The following ADAR variants were observed in gnomAD, a reference collection of about 807,000 sequenced individuals.
ADAR encodes the protein adenosine deaminase RNA specific.
In ADAR, 41 loss-of-function variants were observed where a neutral mutation model predicts 113.2. The ratio of observed to expected loss-of-function variants is 0.36; its 90% CI spans 0.28 to 0.47. ADAR has a LOEUF of 0.47. Ranked by LOEUF, ADAR falls within the 20% of genes least tolerant of loss-of-function variation. The pLI is 1.00. For synonymous variants in ADAR, 605 were observed against 572.6 expected (o/e 1.06, Z -0.81); for missense variants, 1,242 against 1,540.9 (o/e 0.81, Z 3.25).
exon 1 of ADAR, chr1:154,627,925 A>G (rs888016800): frequency 1.3e-5 from 4 of 298,416 alleles, no homozygotes; most frequent in Admixed American, 3.1e-5. Context: ...CCCTCCCCCC[A>G]CCCTCCCCCA....
At position 154,601,530 on chromosome 1, in the gene ADAR, C is replaced by A; in HGVS notation, c.1112G>T (p.Ser371Ile). 6.2e-7 allele frequency: 1 copy of A among 1,613,556 alleles called. No homozygotes were observed. The highest frequency in any genetic ancestry group is 8.5e-7 in the Non-Finnish European group (1 of 1,180,044). ...TGCAGCTGGAGCGGTTTCAGGAACA[C>A]TGTTCGTATTTCTCTTGATTTGCAT... ...ERMQIKRNTN[S>I]VPETAPAAIP... is the part of the protein sequence containing the mutation. Residue 371 changes from serine (S) to isoleucine (I), a missense_variant, in exon 2 of 15, where the codon AGT becomes ATT. Transcript: ENST00000368474. The surrounding 1 kb of genome is among the most constrained non-coding windows in gnomAD (Gnocchi z 4.7).
At chr1:154,597,750 T>C (rs1697597105) in intron 4 of ADAR, 78 bp downstream of exon 4, 2 of 1,588,308 alleles carry the variant, frequency 1.3e-6, no homozygotes, top group Non-Finnish European at 8.6e-7. Context: ...CTGCCATCCC[T>C]GAGGAGGCAA....
In ADAR at chr1:154,601,457, G is replaced by A; in HGVS notation, c.1185C>T (p.Pro395=). The A allele has an allele frequency of 1.2e-6, 2 of 1,614,176 alleles. No individual in the cohort carries two copies. The highest frequency in any genetic ancestry group is 1.7e-6 in the Non-Finnish European group (2 of 1,180,042). ...RNAEFLTCNI[P]TSNASNNMVT... is the part of the protein sequence containing the mutation. ...CCATGTTATTTGAGGCATTTGATGT[G>A]GGTATATTACAGGTGAGGAACTCTG... The change falls in exon 2 of 15, where the codon CCC becomes CCT. Residue 395 remains proline, a synonymous_variant. Coordinates refer to ENST00000368474, the MANE Select transcript of ADAR (RefSeq NM_001111.5). The surrounding 1 kb of genome is among the most constrained non-coding windows in gnomAD (Gnocchi z 4.7).
At chr1:154,616,411 C>T (rs1698638121) in intron 1 of ADAR, among the ~76,000 whole-genome samples, 1 of 152,074 alleles carries the variant, frequency 6.6e-6, no homozygotes, top group South Asian at 2.1e-4. Context: ...CCTTCTTTTC[C>T]TCCCTCTAGA....
upstream of ADAR, chr1:154,608,832 G>C (rs551061951): frequency 7.3e-5 from 11 of 150,570 alleles, no homozygotes; most frequent in African/African-American, 2.2e-4. Context: ...ATGTGGAGGG[G>C]GGGGGGAGGG....
upstream of ADAR, among the ~76,000 whole-genome samples, chr1:154,613,092 TG>T (rs982438628): frequency 4.6e-5 from 7 of 152,100 alleles, no homozygotes; most frequent in African/African-American, 1.7e-4. Context: ...ATTACAGGTG[TG>T]AGCCACTGCG....
intron 6 of ADAR, 129 bp downstream of exon 6, chr1:154,596,676 C>G: frequency 2.0e-6 from 2 of 1,007,442 alleles, no homozygotes; most frequent in Non-Finnish European, 3.0e-6. Flanking sequence ...GCCGTGGAGA[C>G]AGGGCTGGAC....
chr1:154,598,370 C>G (rs754942641), intron 3 of ADAR, 32 bp downstream of exon 3: 1 of 1,608,752 alleles, frequency 6.2e-7, no homozygotes, highest in Non-Finnish European at 8.5e-7. Context: ...TGACAGGGAA[C>G]TGATCCTCCC....
At chr1:154,604,743 A>G (rs918105336) in intron 1 of ADAR, among the ~76,000 whole-genome samples, 1 of 152,064 alleles carries the variant, frequency 6.6e-6, no homozygotes, top group Non-Finnish European at 1.5e-5. Flanking sequence ...TTATATAATC[A>G]GTCTCCAAGG....
rs540607932 is a variant in ADAR at position 154,588,746 on chromosome 1, C to T, written c.2763-73G>A. 4.9e-5 allele frequency: 78 copies of T among 1,592,880 alleles called. No homozygotes were observed. In the Middle Eastern group the frequency reaches 6.7e-4, roughly 14 times the overall value. ...AGCAGTTGTTTCTATAATCTGACCT[C>T]CAAATGAGAAAGTAAGGAAAAGTCT... On this transcript the variant is annotated intron_variant, in intron 9 of 14. Coordinates refer to ENST00000368474, the MANE Select transcript of ADAR (RefSeq NM_001111.5).
intron 1 of ADAR, among the ~76,000 whole-genome samples, chr1:154,607,689 A>C (rs1214210819): frequency 6.6e-6 from 1 of 151,838 alleles, no homozygotes; most frequent in African/African-American, 2.4e-5. Flanking sequence ...CAAATTCACA[A>C]ATTCCTAAAC....
At position 154,589,865 on chromosome 1, in the gene ADAR, T is replaced by C; in HGVS notation, c.2560A>G (p.Thr854Ala). 1.2e-6 allele frequency: 2 copies of C among 1,613,864 alleles called. No homozygotes were observed. The highest frequency in any genetic ancestry group is 1.3e-5 in the African/African-American group (1 of 74,944). The change falls in exon 8 of 15, where the codon ACT becomes GCT. Residue 854 changes from threonine to alanine, a missense_variant. Physicochemically the swap from Thr to Ala is moderately conservative, Grantham distance 58. Coordinates refer to ENST00000368474, the MANE Select transcript of ADAR (RefSeq NM_001111.5). ...IAMLSHRCFN[T>A]LTNSFQPSLL... The stretch of plus-strand genomic sequence containing the variant: ...GAGGGCTGGAAGCTGTTAGTCAGAG[T>C]GTTGAAGCACCGGTGGCTCAGCATG...
At chr1:154,585,698 A>C in intron 13 of ADAR, 55 bp downstream of exon 13, 1 of 1,462,266 alleles carries the variant, frequency 6.8e-7, no homozygotes, top group Non-Finnish European at 9.6e-7. Flanking sequence ...CTCTGTTTAC[A>C]TGACTGCTTG....
At chr1:154,590,747 T>C (rs574726810) in intron 6 of ADAR, among the ~76,000 whole-genome samples, 11 of 149,074 alleles carry the variant, frequency 7.4e-5, no homozygotes, top group African/African-American at 2.5e-4. Context: ...CTGGGCAACA[T>C]AGTAATCCCC....
intron 11 of ADAR, 56 bp from the exon 12 acceptor site, chr1:154,586,419 G>A (rs1696767232): frequency 6.3e-7 from 1 of 1,576,448 alleles, no homozygotes; most frequent in Non-Finnish European, 8.7e-7. Flanking sequence ...ACCACTCCCT[G>A]GCGTGGTTTC....
chr1:154,619,143 C>G lies in ADAR; in HGVS notation c.-871+8712G>C, dbSNP rs375253496. 2.6e-5 allele frequency among the ~76,000 whole-genome samples: 4 copies of G among 152,160 alleles called. No individual in the cohort carries two copies. In the East Asian group the frequency reaches 7.7e-4, roughly 29 times the overall value. ...AGAGGCAGATAATGTTAGTGGCCTACGCTAGAACTATGCCTCCCTTTCTGA... is the reference window on the plus strand; with the variant it reads ...AGAGGCAGATAATGTTAGTGGCCTAGGCTAGAACTATGCCTCCCTTTCTGA... On this transcript the variant is annotated intron_variant, in intron 1 of 14. Coordinates refer to the ADAR transcript ENST00000368471.
chr1:154,608,631 C>G (rs1027695176), upstream of ADAR: 1 of 152,686 alleles, frequency 6.5e-6, no homozygotes, highest in Admixed American at 6.6e-5. Context: ...CGTCAGCCCC[C>G]GCGCCCGTCC....
intron 1 of ADAR, among the ~76,000 whole-genome samples, chr1:154,622,367 G>C (rs1382282921): frequency 2.6e-5 from 4 of 152,138 alleles, no homozygotes; most frequent in Non-Finnish European, 4.4e-5. Flanking sequence ...TCTTATTTCT[G>C]TTCTTGAGTG....
rs2101558286 is a variant in ADAR, at chr1:154,585,043, C to T, written c.3444G>A (p.Gly1148=). 6.2e-7 allele frequency: 1 copy of T among 1,613,672 alleles called. No homozygotes were observed. The highest frequency in any genetic ancestry group is 8.5e-7 in the Non-Finnish European group (1 of 1,179,938). ...ILDGTRGTVD[G]PRNELSRVSK... ...AGACCCGGGACAATTCATTCCGTGG[C>T]CTAGAGAAACAAAAGCACTCATTAT... is the stretch of plus-strand genomic sequence containing the variant. The change falls in exon 15 of 15, where the codon GGG becomes GGA. Residue 1148 remains glycine (G), a splice_region_variant and synonymous_variant. Coordinates refer to ENST00000368474, the MANE Select transcript of ADAR (RefSeq NM_001111.5).
Sources: allele counts gnomAD v4.1 joint callset (sites outside exome capture counted in the v4.1 genomes callset), GRCh38; gene constraint gnomAD v4.1.1; non-coding constraint Gnocchi (gnomAD v3.1); transcripts MANE v1.5; gene names NCBI Gene and HGNC (gene_info 2026-07-23, HGNC 2026-07-21).